Variants in NELL1 observed in about 807,000 individuals in gnomAD.
NELL1 encodes neural EGFL like 1, also known as protein kinase C-binding protein NELL1.
Under a neutral mutation model 107.4 loss-of-function variants are expected in NELL1, and 76 were observed. The observed-to-expected ratio is 0.71, with a 90% confidence interval of 0.59 to 0.86. NELL1 has a LOEUF of 0.86. Ranked by LOEUF, NELL1 falls within the 40% of genes least tolerant of loss-of-function variation. The pLI is 0.00. For synonymous variants in NELL1, 353 were observed against 341.2 expected (o/e 1.03, Z -0.38); for missense variants, 1,024 against 1,005.5 (o/e 1.02, Z -0.25).
intron 14 of NELL1, among the ~76,000 whole-genome samples, chr11:21,360,830 G>A (rs1851059698): frequency 6.6e-6 from 1 of 152,052 alleles, no homozygotes; most frequent in Non-Finnish European, 1.5e-5. Context: ...ATCTTTATCT[G>A]CTCCATTCCC....
chr11:20,741,032 A>T (rs56915768), intron 2 of NELL1, among the ~76,000 whole-genome samples: 1 of 151,844 alleles, frequency 6.6e-6, no homozygotes, highest in South Asian at 2.1e-4. Context: ...CTCTGAACTG[A>T]CATGTTTTCT....
intron 14 of NELL1, among the ~76,000 whole-genome samples, chr11:21,324,667 C>A (rs1233676122): frequency 6.6e-6 from 1 of 152,038 alleles, no homozygotes; most frequent in Non-Finnish European, 1.5e-5. Flanking sequence ...TGCTCTCAAG[C>A]ACCTTACCGT....
intron 13 of NELL1, among the ~76,000 whole-genome samples, chr11:21,135,939 C>A (rs1054120328): frequency 2.0e-5 from 3 of 152,054 alleles, no homozygotes; most frequent in Non-Finnish European, 4.4e-5. Context: ...ACGTGAGCCC[C>A]CAGGATTTGG....
chr11:20,885,404 T>G, intron 4 of NELL1, 40 bp from the exon 5 acceptor site: 777 of 1,305,850 alleles, frequency 6.0e-4, no homozygotes, highest in Non-Finnish European at 8.0e-4. Flanking sequence ...GGTTCTGCTT[T>G]GAGCCTCTCT....
intron 15 of NELL1, among the ~76,000 whole-genome samples, chr11:21,485,274 G>T (rs139483202): frequency 1.3e-5 from 2 of 152,126 alleles, no homozygotes; most frequent in African/African-American, 4.8e-5. Context: ...GGGAAGCCAG[G>T]CACTTTCATC....
intron 14 of NELL1, among the ~76,000 whole-genome samples, chr11:21,248,143 A>C (rs1858541377): frequency 6.6e-6 from 1 of 152,146 alleles, no homozygotes; most frequent in African/African-American, 2.4e-5. Context: ...TCAGGAGTTC[A>C]AGACCAACCT....
At chr11:21,001,854 A>C (rs529914896) in intron 12 of NELL1, among the ~76,000 whole-genome samples, 2 of 149,732 alleles carry the variant, frequency 1.3e-5, no homozygotes, top group African/African-American at 4.9e-5. Context: ...ACTGTTCACT[A>C]TCTGACTCAC....
intron 13 of NELL1, among the ~76,000 whole-genome samples, chr11:21,220,321 C>G (rs922397792): frequency 2.0e-5 from 3 of 152,034 alleles, no homozygotes; most frequent in African/African-American, 7.2e-5. Flanking sequence ...CATTTTTGCT[C>G]AGTTCTGCTT....
chr11:20,830,392 G>T (rs538220585), intron 3 of NELL1, among the ~76,000 whole-genome samples: 1 of 151,194 alleles, frequency 6.6e-6, no homozygotes, highest in African/African-American at 2.4e-5. Flanking sequence ...AGTAATACCT[G>T]GTCTTCTTTT....
At chr11:20,785,722 A>G (rs1450966468) in intron 3 of NELL1, among the ~76,000 whole-genome samples, 3 of 152,134 alleles carry the variant, frequency 2.0e-5, no homozygotes, top group African/African-American at 7.2e-5. Flanking sequence ...TTGGAACTTC[A>G]ATTTCCTTGT....
intron 15 of NELL1, among the ~76,000 whole-genome samples, chr11:21,479,395 A>G (rs1854431481): frequency 6.6e-6 from 1 of 152,186 alleles, no homozygotes; most frequent in Non-Finnish European, 1.5e-5. Context: ...AACAACATGG[A>G]TAGAACTAGA....
intron 5 of NELL1, among the ~76,000 whole-genome samples, chr11:20,887,965 A>AT (rs1399048036): frequency 2.0e-5 from 3 of 151,942 alleles, no homozygotes; most frequent in South Asian, 2.1e-4. Flanking sequence ...CAGGTAAAGA[A>AT]TTTTTTTTTA....
intron 5 of NELL1, among the ~76,000 whole-genome samples, chr11:20,907,104 A>T (rs778294083): frequency 6.6e-6 from 1 of 152,030 alleles, no homozygotes; most frequent in Non-Finnish European, 1.5e-5. Context: ...TTCACACCAC[A>T]TATAAAAATG....
At chr11:21,332,763 T>C (rs948503778) in intron 14 of NELL1, among the ~76,000 whole-genome samples, 2 of 152,020 alleles carry the variant, frequency 1.3e-5, no homozygotes, top group African/African-American at 4.8e-5. Flanking sequence ...AGTTTTATGA[T>C]TTCCATATTT....
chr11:21,054,329 G>C (rs925049559), intron 12 of NELL1, among the ~76,000 whole-genome samples: 1 of 151,912 alleles, frequency 6.6e-6, no homozygotes, highest in Non-Finnish European at 1.5e-5. Flanking sequence ...AATTTTTAAT[G>C]ATTTCTTGCA....
At chr11:20,799,313 A>G (rs372350051) in intron 3 of NELL1, among the ~76,000 whole-genome samples, 159 of 152,334 alleles carry the variant, frequency 1.0e-3, no homozygotes, top group African/African-American at 3.7e-3. Flanking sequence ...ATGATTTCAC[A>G]GTGTGAGAGA....
At chr11:21,563,183 C>T (rs147782538) in intron 17 of NELL1, among the ~76,000 whole-genome samples, 6 of 152,066 alleles carry the variant, frequency 3.9e-5, no homozygotes, top group East Asian at 1.9e-4. Context: ...TACAGCCCAG[C>T]GTCTTTTCAT....
intron 2 of NELL1, among the ~76,000 whole-genome samples, chr11:20,707,308 T>C (rs1307660926): frequency 6.6e-6 from 1 of 152,168 alleles, no homozygotes; most frequent in African/African-American, 2.4e-5. Context: ...GGGTTTGAAC[T>C]TCCTCCTTTA....
At chr11:21,232,291 C>G (rs1428792904) in intron 14 of NELL1, among the ~76,000 whole-genome samples, 1 of 147,522 alleles carries the variant, frequency 6.8e-6, no homozygotes, top group East Asian at 2.0e-4. Context: ...GATCATGCTA[C>G]TGCACTCCAG....
Sources: allele counts gnomAD v4.1 joint callset (sites outside exome capture counted in the v4.1 genomes callset), GRCh38; gene constraint gnomAD v4.1.1; transcripts MANE v1.5; gene names NCBI Gene and HGNC (gene_info 2026-07-23, HGNC 2026-07-21).